Variants in RABIF observed in about 807,000 individuals in gnomAD.
RABIF encodes RAB interacting factor.
RABIF carries 13 observed loss-of-function variants against 12.3 expected under a neutral mutation model. That is an observed-to-expected ratio of 1.06 (90% CI 0.69 to 1.68). RABIF has a LOEUF of 1.68. Among genes scored for constraint, RABIF ranks in the 40% most tolerant of loss-of-function variants. The probability of loss-of-function intolerance (pLI) is 0.00; values close to 1 mark genes in which losing one functional copy is unlikely to be tolerated. For synonymous variants in RABIF, 70 were observed against 63.3 expected, an observed-to-expected ratio of 1.11 and a Z score of -0.50; for missense variants, 153 against 158.0, an observed-to-expected ratio of 0.97 and a Z score of 0.17.
At position 202,889,102 on chromosome 1, in the gene RABIF, C is replaced by A; in HGVS notation, c.-4G>T. The A allele has an allele frequency of 6.2e-7, 1 of 1,601,248 alleles. No homozygotes were observed. Among genetic ancestry groups the A allele is most frequent in the Non-Finnish European group, 8.5e-7 (1 of 1,174,252 alleles). ...TCGGCTGCTCCGCTGGTTCCATCGC[C>A]GCTGCCGCCACAGGCTCCTCAGCCA... On this transcript the variant is annotated 5_prime_UTR_variant, in exon 1 of 2. Transcript: ENST00000367262.
intron 1 of RABIF, among the ~76,000 whole-genome samples, chr1:202,885,969 A>G (rs535530426): frequency 6.6e-6 from 1 of 151,204 alleles, no homozygotes; most frequent in Non-Finnish European, 1.5e-5. Context: ...CAACCCAAAA[A>G]AAAAAAAACC....
intron 1 of RABIF, among the ~76,000 whole-genome samples, chr1:202,882,268 C>G (rs1659501987): frequency 6.6e-6 from 1 of 152,146 alleles, no homozygotes; most frequent in Admixed American, 6.5e-5. Context: ...GTAGTCCCAG[C>G]CACTCATGGG....
At position 202,879,979 on chromosome 1, in the gene RABIF, A is replaced by G. The variant is rs1659463998; in HGVS notation, c.*999T>C. On this transcript the variant is annotated 3_prime_UTR_variant, in exon 2 of 2. Transcript: ENST00000367262. ...CCCGGAGCTATGGAAATTTGTATCC[A>G]TGCATCTGGATGGAAGTTTGTATCC... 6.6e-6 allele frequency: 1 copy of G among 152,234 alleles called. No individual in the cohort carries two copies. The highest frequency in any genetic ancestry group is 2.4e-5 in the African/African-American group (1 of 41,466). The allele number at this position is 152,234 out of a possible 1,614,324, so 9.4% of individuals were successfully genotyped here.
At position 202,885,086 on chromosome 1, in the gene RABIF, CAA is replaced by C. The variant is rs113531957; in HGVS notation, c.127-3865_127-3864del. ...TGGGCAACAGAGTGAGACTCTATCT[CAA>C]AAAAAAAAAAAAAAAAAAAAAAAAA... On this transcript the variant is annotated intron_variant, in intron 1 of 1. Transcript: ENST00000367262. 4.9e-3 allele frequency among the ~76,000 whole-genome samples: 594 copies of C among 120,212 alleles called. 2 individuals carry two copies. Among genetic ancestry groups the C allele is most frequent in the East Asian group, 0.019 (58 of 2,998 alleles). The allele number at this position is 120,212 out of a possible 152,430, so 78.9% of individuals were successfully genotyped here.
intron 1 of RABIF, among the ~76,000 whole-genome samples, chr1:202,887,366 T>A (rs1659579090): frequency 6.6e-6 from 1 of 152,056 alleles, no homozygotes; most frequent in African/African-American, 2.4e-5. Flanking sequence ...AATTTTTTTT[T>A]AAGCTCATCA....
intron 1 of RABIF, among the ~76,000 whole-genome samples, chr1:202,887,494 A>G (rs1436022984): frequency 1.6e-5 from 2 of 125,044 alleles, no homozygotes; most frequent in East Asian, 2.5e-4. Context: ...TGGAGGTTAA[A>G]TAACTTTTTT....
Position 202,880,568 on chromosome 1 carries a change from A to AG in RABIF, c.*409dup. Reference sequence around the variant, plus strand: ...TTGTATGCCTTCTTGAATGAGAAAAAGGCAGATTTCAACTATTAGTACATA... The same window carrying AG: ...TTGTATGCCTTCTTGAATGAGAAAAAGGGCAGATTTCAACTATTAGTACATA... On this transcript the variant is annotated 3_prime_UTR_variant, in exon 2 of 2. Coordinates refer to ENST00000367262, the MANE Select transcript of RABIF (RefSeq NM_002871.5). 1 of 472,210 alleles carries AG rather than the reference A, an allele frequency of 2.1e-6. No individual in the cohort carries two copies. Among genetic ancestry groups the AG allele is most frequent in the Non-Finnish European group, 2.8e-6 (1 of 359,562 alleles). The allele number at this position is 472,210 out of a possible 1,614,324, so 29.3% of individuals were successfully genotyped here.
chr1:202,885,556 T>A (rs751415096), intron 1 of RABIF, among the ~76,000 whole-genome samples: 16 of 152,252 alleles, frequency 1.1e-4, no homozygotes, highest in Non-Finnish European at 2.1e-4. Flanking sequence ...GTCACAGTTA[T>A]GAGAAAAAAG....
intron 1 of RABIF, among the ~76,000 whole-genome samples, chr1:202,884,044 T>C (rs1054724456): frequency 3.9e-5 from 6 of 152,124 alleles, no homozygotes; most frequent in Non-Finnish European, 8.8e-5. Flanking sequence ...AGTATGTAAT[T>C]TGAGGCAAAC....
chr1:202,885,425 C>T (rs1659547280), intron 1 of RABIF, among the ~76,000 whole-genome samples: 2 of 152,244 alleles, frequency 1.3e-5, no homozygotes, highest in South Asian at 4.1e-4. Flanking sequence ...CTGTAGGCCA[C>T]CTCTAGCCAG....
chr1:202,879,328 C>T lies in RABIF; in HGVS notation c.*1650G>A, dbSNP rs151079332. 1 of 152,216 alleles carries T rather than the reference C, an allele frequency of 6.6e-6. No homozygotes were observed. Among genetic ancestry groups the T allele is most frequent in the Non-Finnish European group, 1.5e-5 (1 of 68,068 alleles). The allele number at this position is 152,216 out of a possible 1,614,324, so 9.4% of individuals were successfully genotyped here. On this transcript the variant is annotated 3_prime_UTR_variant, in exon 2 of 2. Transcript: ENST00000367262. ...CCAAGTAGCAGGGACTACAGGTATA[C>T]ACCACTATGCCCAGGTAATTTTGTT...
chr1:202,887,341 A>T (rs10920517), intron 1 of RABIF, among the ~76,000 whole-genome samples: 78,167 of 149,496 alleles, frequency 0.52, 21,295 homozygotes, highest in Non-Finnish European at 0.61. Flanking sequence ...CATTATGAAA[A>T]ATTTTTTTTT....
chr1:202,886,502 C>G (rs185330044), intron 1 of RABIF, among the ~76,000 whole-genome samples: 2 of 151,968 alleles, frequency 1.3e-5, no homozygotes, highest in Non-Finnish European at 2.9e-5. Flanking sequence ...AGGAAAATCA[C>G]TTGAACCCGG....
chr1:202,882,315 T>C lies in RABIF; in HGVS notation c.127-1092A>G, dbSNP rs370375628. On this transcript the variant is annotated intron_variant, in intron 1 of 1. Coordinates refer to ENST00000367262, the MANE Select transcript of RABIF (RefSeq NM_002871.5). ...AGGATTGCTTGAGCCCAGGAGGTGG[T>C]TGAGGCTGCAGTGAGCTGAGATCAC... Among the ~76,000 whole-genome samples, 144 of 152,182 alleles carry C rather than the reference T, an allele frequency of 9.5e-4. 1 individual carries two copies. Among genetic ancestry groups the C allele is most frequent in the African/African-American group, 3.2e-3 (135 of 41,540 alleles).
At position 202,879,956 on chromosome 1, in the gene RABIF, C is replaced by T. The variant is rs944573901; in HGVS notation, c.*1022G>A. On this transcript the variant is annotated 3_prime_UTR_variant, in exon 2 of 2. Transcript: ENST00000367262. ...TGATATCAAACTGTTAGAGCAGCCC[C>T]GGAGCTATGGAAATTTGTATCCATG... 5.3e-5 allele frequency: 8 copies of T among 152,122 alleles called. No homozygotes were observed. Among genetic ancestry groups the T allele is most frequent in the Admixed American group, 3.3e-4 (5 of 15,268 alleles). 9.4% of individuals were successfully genotyped at this position (152,122 alleles called of 1,614,324 possible).
intron 1 of RABIF, among the ~76,000 whole-genome samples, chr1:202,882,433 G>A (rs112747665): frequency 0.038 from 5,800 of 152,222 alleles, 154 homozygotes; most frequent in South Asian, 0.12. Context: ...GCAAGTGTCC[G>A]TAGTCCCAGC....
At chr1:202,885,436 A>G (rs1320773754) in intron 1 of RABIF, among the ~76,000 whole-genome samples, 1 of 152,056 alleles carries the variant, frequency 6.6e-6, no homozygotes, top group East Asian at 1.9e-4. Context: ...CTCTAGCCAG[A>G]CTCCTTACAC....
At chr1:202,887,783 C>T (rs910839594) in intron 1 of RABIF, among the ~76,000 whole-genome samples, 1 of 152,152 alleles carries the variant, frequency 6.6e-6, no homozygotes, top group Non-Finnish European at 1.5e-5. Context: ...GGATTACAGG[C>T]ATGAGCCACC....
In RABIF at chr1:202,879,528, C is replaced by A. The variant is rs189037308; in HGVS notation, c.*1450G>T. The A allele has an allele frequency of 6.6e-6, 1 of 152,326 alleles. No individual in the cohort carries two copies. Among genetic ancestry groups the A allele is most frequent in the East Asian group, 1.9e-4 (1 of 5,186 alleles). 9.4% of individuals were successfully genotyped at this position (152,326 alleles called of 1,614,324 possible). On this transcript the variant is annotated 3_prime_UTR_variant, in exon 2 of 2. Transcript: ENST00000367262. ...GGATAACTCTGTTTTTCTGCACATG[C>A]CATAACGATGGACATGTGACCGTTT...
Sources: gnomAD v4.1 joint callset for allele counts (sites outside exome capture counted in the v4.1 genomes callset) on GRCh38, gnomAD v4.1.1 for gene constraint, MANE v1.5 for transcripts, NCBI Gene and HGNC (gene_info 2026-07-23, HGNC 2026-07-21) for gene names.